Variants in GSK3B observed in about 807,000 individuals in gnomAD.
GSK3B encodes glycogen synthase kinase-3 beta.
GSK3B carries 15 observed loss-of-function variants against 56.4 expected under a neutral mutation model. The ratio of observed to expected loss-of-function variants is 0.27; its 90% CI spans 0.18 to 0.41. The LOEUF (loss-of-function observed/expected upper bound fraction) is 0.41, where lower values mean the gene tolerates loss of function less well. GSK3B is among the 10% of genes least tolerant of loss of function. The pLI is 1.00. For synonymous variants in GSK3B, 181 were observed against 188.9 expected, an observed-to-expected ratio of 0.96 and a Z score of 0.34; for missense variants, 300 against 513.4, an observed-to-expected ratio of 0.58 and a Z score of 4.02.
chr3:119,913,098 T>C (rs945782515), intron 5 of GSK3B, among the ~76,000 whole-genome samples: 10 of 152,106 alleles, frequency 6.6e-5, no homozygotes, highest in Admixed American at 5.2e-4. Context: ...TGATCCTCTG[T>C]TCCCCAAATT....
rs1358778762 is a variant in GSK3B, at chr3:119,836,046, A to G, written c.1195+7209T>C. ...AAGAATTGGCTGGTATGTAGGTAAC[A>G]GGAATTCTGGGGTGAAAATAATTGT... On this transcript the variant is annotated intron_variant, in intron 10 of 10. Transcript: ENST00000264235. 2.6e-5 allele frequency among the ~76,000 whole-genome samples: 4 copies of G among 152,332 alleles called. No individual in the cohort carries two copies. In the South Asian group the frequency reaches 8.3e-4, roughly 32 times the overall value.
chr3:119,842,321 T>A (rs2055784624), intron 10 of GSK3B, among the ~76,000 whole-genome samples: 1 of 152,158 alleles, frequency 6.6e-6, no homozygotes, highest in Non-Finnish European at 1.5e-5. Flanking sequence ...TGAATAATTT[T>A]TTTTTGGTAT....
At chr3:119,893,830 G>A (rs187861127) in intron 7 of GSK3B, among the ~76,000 whole-genome samples, 58 of 150,570 alleles carry the variant, frequency 3.9e-4, no homozygotes, top group Non-Finnish European at 5.9e-5. Flanking sequence ...CAGTGGAAAT[G>A]ACAAAGACAT....
intron 8 of GSK3B, among the ~76,000 whole-genome samples, chr3:119,875,286 AT>A (rs969853993): frequency 2.0e-5 from 3 of 152,030 alleles, no homozygotes; most frequent in Non-Finnish European, 4.4e-5. Flanking sequence ...AATATATCTG[AT>A]TAAGAGAGAG....
intron 9 of GSK3B, among the ~76,000 whole-genome samples, chr3:119,851,930 A>C (rs970706551): frequency 6.6e-6 from 1 of 152,200 alleles, no homozygotes; most frequent in African/African-American, 2.4e-5. Flanking sequence ...CCTTGCTCTC[A>C]CACATTTCTG....
intron 1 of GSK3B, among the ~76,000 whole-genome samples, chr3:120,033,971 A>G (rs1396468500): frequency 6.6e-6 from 1 of 152,212 alleles, no homozygotes; most frequent in African/African-American, 2.4e-5. Flanking sequence ...GTATAGCAGT[A>G]TAAGAATAGA....
intron 1 of GSK3B, among the ~76,000 whole-genome samples, chr3:120,041,898 C>T (rs1443795025): frequency 3.9e-5 from 6 of 152,214 alleles, no homozygotes; most frequent in Admixed American, 2.0e-4. Flanking sequence ...ATTGTTTGCA[C>T]TCAGCCAAGC....
At chr3:120,008,037 C>G (rs558973696) in intron 1 of GSK3B, among the ~76,000 whole-genome samples, 1 of 152,334 alleles carries the variant, frequency 6.6e-6, no homozygotes, top group South Asian at 2.1e-4. Context: ...TCAGCAAAGT[C>G]TCAGGACACA....
chr3:119,927,731 G>A (rs1479686136), intron 3 of GSK3B, among the ~76,000 whole-genome samples: 1 of 152,146 alleles, frequency 6.6e-6, no homozygotes, highest in African/African-American at 2.4e-5. Flanking sequence ...GAAGCCATGA[G>A]AATAGACTTG....
chr3:119,864,083 C>T (rs1425546547), intron 8 of GSK3B, among the ~76,000 whole-genome samples: 1 of 152,060 alleles, frequency 6.6e-6, no homozygotes, highest in Non-Finnish European at 1.5e-5. Context: ...TCTATAAATG[C>T]TACTGATTTG....
intron 1 of GSK3B, among the ~76,000 whole-genome samples, chr3:120,006,020 T>C (rs1033352453): frequency 6.6e-6 from 1 of 152,124 alleles, no homozygotes; most frequent in Non-Finnish European, 1.5e-5. Flanking sequence ...ATGTGCTGTA[T>C]TCAGGAGACC....
At chr3:120,023,156 CT>C (rs1212831501) in intron 1 of GSK3B, among the ~76,000 whole-genome samples, 1 of 150,990 alleles carries the variant, frequency 6.6e-6, no homozygotes, top group African/African-American at 2.4e-5. Flanking sequence ...TGGTGAATTT[CT>C]TTTTTATACC....
At chr3:119,910,181 G>C (rs1425425504) in intron 6 of GSK3B, among the ~76,000 whole-genome samples, 1 of 152,042 alleles carries the variant, frequency 6.6e-6, no homozygotes, top group Non-Finnish European at 1.5e-5. Flanking sequence ...AAATTCTTAA[G>C]GTAAAAGCTA....
intron 2 of GSK3B, among the ~76,000 whole-genome samples, chr3:119,959,658 G>T (rs750885990): frequency 6.6e-6 from 1 of 151,704 alleles, no homozygotes; most frequent in African/African-American, 2.4e-5. Context: ...GGGATTACAC[G>T]CGTGTACCAC....
chr3:119,830,196 C>G (rs1046915466), intron 10 of GSK3B, among the ~76,000 whole-genome samples: 2 of 152,190 alleles, frequency 1.3e-5, no homozygotes, highest in Non-Finnish European at 2.9e-5. Flanking sequence ...GGACTGGCCC[C>G]TGGGCCAGGT....
Position 120,018,255 on chromosome 3 carries a change from T to C in GSK3B, c.89-16016A>G, listed in dbSNP as rs150629353. 3.0e-4 allele frequency among the ~76,000 whole-genome samples: 46 copies of C among 152,266 alleles called. No individual in the cohort carries two copies. The East Asian group carries it at 8.1e-3, about 27-fold the overall frequency. ...TTATATACAGGTAACCCCTGAACAA[T>C]ATGGGTTTGAACTGCGCAGGTCCAC... is the stretch of plus-strand genomic sequence containing the variant. On this transcript the variant is annotated intron_variant, in intron 1 of 10. Coordinates refer to ENST00000264235, the MANE Select transcript of GSK3B (RefSeq NM_001146156.2).
intron 9 of GSK3B, among the ~76,000 whole-genome samples, chr3:119,859,078 A>C (rs1456312764): frequency 6.6e-6 from 1 of 152,218 alleles, no homozygotes; most frequent in Non-Finnish European, 1.5e-5. Context: ...ACAGAGACAC[A>C]AAATAAACAT....
intron 3 of GSK3B, among the ~76,000 whole-genome samples, chr3:119,942,502 G>T (rs1168860804): frequency 6.6e-6 from 1 of 151,966 alleles, no homozygotes; most frequent in Non-Finnish European, 1.5e-5. Flanking sequence ...GTTTCACTAC[G>T]TTGGCCAAGC....
rs190849231 is a variant in GSK3B at position 120,016,816 on chromosome 3, C to T, written c.89-14577G>A. 1.2e-4 allele frequency among the ~76,000 whole-genome samples: 19 copies of T among 152,282 alleles called. No homozygotes were observed. The East Asian group carries it at 3.1e-3, about 25-fold the overall frequency. On this transcript the variant is annotated intron_variant, in intron 1 of 10. Transcript: ENST00000264235. ...CAGTCTGAACTTAAATATTATTTTACTTGTAAGCCATAAACTGGAATCAAG... is the reference window on the plus strand; with the variant it reads ...CAGTCTGAACTTAAATATTATTTTATTTGTAAGCCATAAACTGGAATCAAG...
Sources: gnomAD v4.1 joint callset for allele counts (sites outside exome capture counted in the v4.1 genomes callset) on GRCh38, gnomAD v4.1.1 for gene constraint, MANE v1.5 for transcripts, NCBI Gene and HGNC (gene_info 2026-07-23, HGNC 2026-07-21) for gene names.